RAB40B: variants seen among roughly 807,000 people sequenced by gnomAD.
The protein encoded by RAB40B is ras-related protein Rab-40B.
RAB40B carries 21 observed loss-of-function variants against 24.0 expected under a neutral mutation model. The observed-to-expected ratio is 0.88, with a 90% CI of 0.62 to 1.26. RAB40B has a LOEUF of 1.26. Among genes scored for constraint, RAB40B ranks in the 50% most tolerant of loss-of-function variants. The pLI is 0.00. For missense variants in RAB40B, 348 were observed against 390.5 expected (o/e 0.89, Z 0.92); for synonymous variants, 167 against 169.8 (o/e 0.98, Z 0.13).
intron 1 of RAB40B, 117 bp downstream of exon 1, chr17:82,698,338 G>T: frequency 3.1e-6 from 2 of 640,326 alleles, no homozygotes; most frequent in South Asian, 6.9e-5. Flanking sequence ...GCCTCTTCCC[G>T]ACCCCTGCCC....
chr17:82,670,890 T>C (rs1180943841), intron 1 of RAB40B, among the ~76,000 whole-genome samples: 1 of 152,066 alleles, frequency 6.6e-6, no homozygotes, highest in Non-Finnish European at 1.5e-5. Flanking sequence ...GTTTCTGTTT[T>C]CATGGAGTCA....
At chr17:82,664,263 T>G (rs1489486118) in intron 2 of RAB40B, among the ~76,000 whole-genome samples, 4 of 70,348 alleles carry the variant, frequency 5.7e-5, no homozygotes, top group South Asian at 5.1e-4. Context: ...GCTGGGCCGA[T>G]GGTGGTGGGG....
At chr17:82,688,919 G>A (rs1280651957) in intron 1 of RAB40B, among the ~76,000 whole-genome samples, 1 of 152,194 alleles carries the variant, frequency 6.6e-6, no homozygotes, top group Non-Finnish European at 1.5e-5. Flanking sequence ...GAGCAACAGA[G>A]TAAGACTCTG....
intron 1 of RAB40B, among the ~76,000 whole-genome samples, chr17:82,665,316 G>A (rs1474408052): frequency 6.6e-6 from 1 of 151,120 alleles, no homozygotes; most frequent in Admixed American, 6.6e-5. Context: ...GCAGTGGCGT[G>A]ATCACAGCTC....
At chr17:82,658,454 G>A in intron 5 of RAB40B, 37 bp downstream of exon 5, 5 of 1,601,348 alleles carry the variant, frequency 3.1e-6, no homozygotes, top group Non-Finnish European at 4.3e-6. Flanking sequence ...GGCATCTGGA[G>A]GGCAGAGGTG....
At chr17:82,685,104 ACT>A (rs2046484528) in intron 1 of RAB40B, among the ~76,000 whole-genome samples, 2 of 149,982 alleles carry the variant, frequency 1.3e-5, no homozygotes, top group South Asian at 4.2e-4. Flanking sequence ...CAAGAGTGAA[ACT>A]CTGTCTCAAA....
At position 82,656,031 on chromosome 17, in the gene RAB40B, C is replaced by T. The variant is rs997519297; in HGVS notation, c.*1832G>A. On this transcript the variant is annotated 3_prime_UTR_variant, in exon 6 of 6. Coordinates refer to ENST00000571995, the MANE Select transcript of RAB40B (RefSeq NM_006822.3). ...TGGTACGATCTCGGCTCACTGCAAC[C>T]CCTGCCTCCCAGGTTCAAGTGATTC... The T allele has an allele frequency of 1.5e-4, 23 of 151,562 alleles. No homozygotes were observed. The highest frequency in any genetic ancestry group is 5.3e-4 in the African/African-American group (22 of 41,170). The allele number at this position is 151,562 out of a possible 1,614,324, so 9.4% of individuals were successfully genotyped here.
chr17:82,674,708 C>T (rs1404573669), intron 1 of RAB40B, among the ~76,000 whole-genome samples: 6 of 151,674 alleles, frequency 4.0e-5, no homozygotes, highest in East Asian at 1.9e-4. Context: ...ACTGACTGAA[C>T]GGGGGAGGGG....
chr17:82,665,426 T>A (rs1433540479), intron 1 of RAB40B, among the ~76,000 whole-genome samples: 4 of 152,158 alleles, frequency 2.6e-5, no homozygotes, highest in Non-Finnish European at 4.4e-5. Context: ...ATAATTTTTG[T>A]ATTTTTTTGT....
Position 82,667,528 on chromosome 17 carries a change from G to A in RAB40B, c.143-2972C>T, listed in dbSNP as rs189007276. Among the ~76,000 whole-genome samples, 1 of 152,208 alleles carries A rather than the reference G, an allele frequency of 6.6e-6. No homozygotes were observed. Among genetic ancestry groups the A allele is most frequent in the African/African-American group, 2.4e-5 (1 of 41,552 alleles). On this transcript the variant is annotated intron_variant, in intron 1 of 5. Coordinates refer to ENST00000571995, the MANE Select transcript of RAB40B (RefSeq NM_006822.3). This position sits in a 1 kb window ranked among gnomAD's most constrained non-coding sequence, Gnocchi z 4.3. ...CCCCTGCCCTCTGCTTCCTCCTCCG[G>A]GCCCTGCCCCCTTCCTGGACTCCAG...
rs890826040 is a variant in RAB40B at position 82,656,176 on chromosome 17, T to C, written c.*1687A>G. On this transcript the variant is annotated 3_prime_UTR_variant, in exon 6 of 6. Transcript: ENST00000571995. ...GTTGGCCAGACTGGTCTTGAACTCC[T>C]GACCTCTGATCCGGCTGCCTCGGCC... The C allele has an allele frequency of 6.6e-6, 1 of 152,094 alleles. No homozygotes were observed. The highest frequency in any genetic ancestry group is 1.5e-5 in the Non-Finnish European group (1 of 68,020). 9.4% of individuals were successfully genotyped at this position (152,094 alleles called of 1,614,324 possible). A position where few individuals can be genotyped will look rare whatever the true frequency, so the allele number is the denominator to read the frequency against.
chr17:82,690,592 G>A (rs753599028), intron 1 of RAB40B, among the ~76,000 whole-genome samples: 10 of 149,322 alleles, frequency 6.7e-5, no homozygotes, highest in South Asian at 2.1e-4. Context: ...GAGTGTGCAC[G>A]TGTGTCCAGG....
chr17:82,698,120 C>T (rs1259475001), intron 1 of RAB40B, among the ~76,000 whole-genome samples: 1 of 152,056 alleles, frequency 6.6e-6, no homozygotes, highest in East Asian at 1.9e-4. Flanking sequence ...GCCCAGCGCC[C>T]GGCCCAGCCG....
chr17:82,686,217 T>C (rs969027402), intron 1 of RAB40B, among the ~76,000 whole-genome samples: 7 of 151,592 alleles, frequency 4.6e-5, no homozygotes, highest in African/African-American at 1.7e-4. Flanking sequence ...GTTCAAGTGA[T>C]TCTCCTGCCT....
At chr17:82,671,641 A>G (rs1432918748) in intron 1 of RAB40B, among the ~76,000 whole-genome samples, 25 of 73,258 alleles carry the variant, frequency 3.4e-4, no homozygotes, top group African/African-American at 6.6e-4. Context: ...TAACTCTAAC[A>G]CACACACTCA....
In RAB40B at chr17:82,697,419, C is replaced by T. The variant is rs1261585583; in HGVS notation, c.142+1036G>A. Among the ~76,000 whole-genome samples, 1 of 152,190 alleles carries T rather than the reference C, an allele frequency of 6.6e-6. No individual in the cohort carries two copies. The highest frequency in any genetic ancestry group is 1.5e-5 in the Non-Finnish European group (1 of 68,030). On this transcript the variant is annotated intron_variant, in intron 1 of 5. Coordinates refer to ENST00000571995, the MANE Select transcript of RAB40B (RefSeq NM_006822.3). The surrounding 1 kb of genome is among the most constrained non-coding windows in gnomAD (Gnocchi z 4.9). ...GGGGCTTCCCAGACCCTTCCCAGGC[C>T]CCAGAGCTGACAGGTCCTTCCCACC...
chr17:82,697,755 T>C lies in RAB40B; in HGVS notation c.142+700A>G, dbSNP rs35878129. 0.12 allele frequency among the ~76,000 whole-genome samples: 17,658 copies of C among 152,116 alleles called. 1,311 individuals carry two copies. The highest frequency in any genetic ancestry group is 0.16 in the Non-Finnish European group (10,888 of 67,944). ...GGCGCCGGCTTTCAAGCCTCAAACT[T>C]GGGGGATCCCCGGGCTGCCTGCCTG... On this transcript the variant is annotated intron_variant, in intron 1 of 5. Transcript: ENST00000571995. This position sits in a 1 kb window ranked among gnomAD's most constrained non-coding sequence, Gnocchi z 4.9.
At chr17:82,681,839 G>T (rs995476514) in intron 1 of RAB40B, among the ~76,000 whole-genome samples, 2 of 151,926 alleles carry the variant, frequency 1.3e-5, no homozygotes, top group African/African-American at 4.8e-5. Context: ...CACAACAAAA[G>T]CTCTCAGCAA....
At chr17:82,665,884 C>G (rs2046249163) in intron 1 of RAB40B, among the ~76,000 whole-genome samples, 2 of 130,210 alleles carry the variant, frequency 1.5e-5, no homozygotes, top group Admixed American at 1.5e-4. Flanking sequence ...ACAACAAGAA[C>G]AACAACAAAA....
Sources: allele counts gnomAD v4.1 joint callset (sites outside exome capture counted in the v4.1 genomes callset), GRCh38; gene constraint gnomAD v4.1.1; non-coding constraint Gnocchi (gnomAD v3.1); transcripts MANE v1.5; gene names NCBI Gene and HGNC (gene_info 2026-07-23, HGNC 2026-07-21).